ZNF254: variants seen among roughly 807,000 people sequenced by gnomAD.
ZNF254 encodes the protein CTD-2017D11.1.
In ZNF254, 10 loss-of-function variants were observed where a neutral mutation model predicts 12.4. That is an observed-to-expected ratio of 0.80 (90% CI 0.50 to 1.36). ZNF254 has a LOEUF of 1.36. Among genes scored for constraint, ZNF254 ranks in the 40% most tolerant of loss-of-function variants. ZNF254 has a pLI of 0.00. For synonymous variants in ZNF254, 305 were observed against 253.4 expected (o/e 1.20, Z -1.93); for missense variants, 996 against 763.9 (o/e 1.30, Z -3.58).
At position 24,105,985 on chromosome 19, in the gene ZNF254, G is replaced by T; in HGVS notation, c.76G>T (p.Glu26Ter). Residue 26 changes from glutamate (E) to a stop codon, truncating the protein, a stop_gained, in exon 2 of 4, where the codon GAG (glutamate) becomes TAG (stop). Transcript: ENST00000357002. LOFTEE classifies it high-confidence loss of function. ...TGTGGCCATAGAATTCTCTCTGGAG[G>T]AGTGGCAACACCTGGACATTGCACA... ...RDVAIEFSLEEWQHLDIAQQN... is the reference protein window; with the variant it reads ...RDVAIEFSLE 6.2e-7 allele frequency: 1 copy of T among 1,600,190 alleles called. No homozygotes were observed. Among genetic ancestry groups the T allele is most frequent in the Non-Finnish European group, 8.5e-7 (1 of 1,171,626 alleles).
chr19:24,123,246 C>T (rs148999419), intron 3 of ZNF254, among the ~76,000 whole-genome samples: 24 of 152,254 alleles, frequency 1.6e-4, no homozygotes, highest in East Asian at 3.9e-4. Flanking sequence ...GTTTTATACT[C>T]GTACTCCATT....
chr19:24,107,163 C>A, intron 3 of ZNF254: 2 of 593,908 alleles, frequency 3.4e-6, no homozygotes, highest in South Asian at 2.1e-5. Flanking sequence ...GTTCTTTTTC[C>A]TCAAGATTGC....
intron 2 of ZNF254, among the ~76,000 whole-genome samples, chr19:24,070,694 G>T (rs1443890767): frequency 6.6e-6 from 1 of 152,184 alleles, no homozygotes. Context: ...ATGTGTGATT[G>T]TGACACACAT....
intron 3 of ZNF254, among the ~76,000 whole-genome samples, chr19:24,124,548 A>C (rs902032507): frequency 1.3e-5 from 2 of 152,028 alleles, no homozygotes; most frequent in South Asian, 4.1e-4. Context: ...TTTCCAATAT[A>C]CTTTTTTAGA....
In ZNF254 at chr19:24,127,023, G is replaced by A. The variant is rs761982389; in HGVS notation, c.1023G>A (p.Lys341=). Residue 341 remains lysine, a synonymous_variant, in exon 4 of 4, where the codon AAG becomes AAA. Transcript: ENST00000357002. The part of the protein sequence containing the change: ...FIWSSTLTRH[K]RMHTGEKPYK... ...GGTCCTCAACACTAACTAGACATAA[G>A]AGGATGCACACTGGAGAGAAACCCT... 3.1e-6 allele frequency: 5 copies of A among 1,613,428 alleles called. No individual in the cohort carries two copies. The highest frequency in any genetic ancestry group is 2.2e-5 in the East Asian group (1 of 44,832).
chr19:24,117,448 C>T (rs1974165200), intron 3 of ZNF254, among the ~76,000 whole-genome samples: 1 of 152,210 alleles, frequency 6.6e-6, no homozygotes, highest in Non-Finnish European at 1.5e-5. Context: ...TGATCTCAGA[C>T]TGCTGTGCTA....
rs1186888016 is a variant in ZNF254, at chr19:24,043,279, T to TG, written c.-189-2904dup. On this transcript the variant is annotated intron_variant, in intron 1 of 4. Transcript: ENST00000613065. ...AAGCCAAAAAAAAATTTTTTTTTTTTGAGATAGAATCTTACTTTGTCGCCC... is the reference window on the plus strand; with the variant it reads ...AAGCCAAAAAAAAATTTTTTTTTTTTGGAGATAGAATCTTACTTTGTCGCCC... Among the ~76,000 whole-genome samples, 18 of 152,044 alleles carry TG rather than the reference T, an allele frequency of 1.2e-4. 1 individual carries two copies. The South Asian group carries it at 1.5e-3, about 12-fold the overall frequency.
chr19:24,092,235 C>T (rs898815624), intron 1 of ZNF254, among the ~76,000 whole-genome samples: 11 of 137,504 alleles, frequency 8.0e-5, no homozygotes, highest in African/African-American at 2.5e-4. Context: ...TGGGCGATCT[C>T]GGCTCACCTC....
intron 2 of ZNF254, among the ~76,000 whole-genome samples, chr19:24,074,486 C>G (rs1971590430): frequency 6.6e-6 from 1 of 152,208 alleles, no homozygotes; most frequent in African/African-American, 2.4e-5. Flanking sequence ...TGACATATCT[C>G]TGGGACCAGC....
chr19:24,091,973 G>C, intron 1 of ZNF254: 2 of 286,928 alleles, frequency 7.0e-6, no homozygotes, highest in Non-Finnish European at 1.0e-5. Context: ...TCTGTCTCCC[G>C]GGTTCACGCC....
At chr19:24,123,440 G>C (rs866185566) in intron 3 of ZNF254, among the ~76,000 whole-genome samples, 1 of 152,266 alleles carries the variant, frequency 6.6e-6, no homozygotes, top group Middle Eastern at 3.4e-3. Context: ...CTGCCTTTAA[G>C]TAGTCTGTTC....
At chr19:24,044,864 T>C (rs1970319118) in intron 1 of ZNF254, among the ~76,000 whole-genome samples, 1 of 152,180 alleles carries the variant, frequency 6.6e-6, no homozygotes, top group Non-Finnish European at 1.5e-5. Flanking sequence ...GATGTGGTCA[T>C]AGAATTCTCT....
At chr19:24,085,502 G>T (rs987657530), upstream of ZNF254, among the ~76,000 whole-genome samples, 5 of 141,944 alleles carry the variant, frequency 3.5e-5, no homozygotes, top group Non-Finnish European at 6.1e-5. Context: ...AGTGGGTCAC[G>T]TCTGTAATCC....
intron 2 of ZNF254, among the ~76,000 whole-genome samples, chr19:24,050,506 C>G (rs570413687): frequency 6.6e-6 from 1 of 152,206 alleles, no homozygotes; most frequent in Non-Finnish European, 1.5e-5. Context: ...TGGACATTGA[C>G]CAAATGGGCC....
chr19:24,047,033 C>A (rs2145257650), intron 2 of ZNF254, among the ~76,000 whole-genome samples: 1 of 146,506 alleles, frequency 6.8e-6, no homozygotes, highest in Admixed American at 6.8e-5. Context: ...CTGGCTAATT[C>A]TTTGTATTTT....
chr19:24,126,589 A>G lies in ZNF254; in HGVS notation c.589A>G (p.Lys197Glu), dbSNP rs759380053. 1 of 1,602,566 alleles carries G rather than the reference A, an allele frequency of 6.2e-7. No homozygotes were observed. Among genetic ancestry groups the G allele is most frequent in the East Asian group, 2.2e-5 (1 of 44,786 alleles). ...RVKLFCMLSHKTQHKSIYHRE... is the reference protein window; with the variant it reads ...RVKLFCMLSHETQHKSIYHRE... ...CAAATTATTTTGCATGCTTTCACATAAAACCCAACACAAAAGCATTTATCA... is the reference window on the plus strand; with the variant it reads ...CAAATTATTTTGCATGCTTTCACATGAAACCCAACACAAAAGCATTTATCA... The change falls in exon 4 of 4, where the codon AAA becomes GAA. Residue 197 changes from lysine to glutamate, a missense_variant. Physicochemically the swap from Lys to Glu is moderately conservative, Grantham distance 56. Transcript: ENST00000357002.
At chr19:24,049,210 ATATATTT>A (rs1337583221) in intron 2 of ZNF254, among the ~76,000 whole-genome samples, 1 of 46,214 alleles carries the variant, frequency 2.2e-5, no homozygotes, top group African/African-American at 1.0e-4. Flanking sequence ...ATATATATAT[ATATATTT>A]TTTTTTTTTT....
chr19:24,107,386 TC>T (rs1973412544), intron 3 of ZNF254: 1 of 414,354 alleles, frequency 2.4e-6, no homozygotes, highest in Non-Finnish European at 4.2e-6. Flanking sequence ...CATTGATATA[TC>T]TTTCACTTGA....
At chr19:24,082,818 A>AT (rs1026805163), upstream of ZNF254, among the ~76,000 whole-genome samples, 7 of 150,924 alleles carry the variant, frequency 4.6e-5, no homozygotes, top group Admixed American at 1.3e-4. Flanking sequence ...AATCTCTTCA[A>AT]TTTTTTTTTA....
Sources: allele counts gnomAD v4.1 joint callset (sites outside exome capture counted in the v4.1 genomes callset), GRCh38; gene constraint gnomAD v4.1.1; transcripts MANE v1.5; gene names NCBI Gene and HGNC (gene_info 2026-07-23, HGNC 2026-07-21).